Variants in LRRC9 observed in about 807,000 individuals in gnomAD.
The protein encoded by LRRC9 is leucine-rich repeat-containing protein 9.
LRRC9 carries 122 observed loss-of-function variants against 63.2 expected under a neutral mutation model. The observed-to-expected ratio is 1.93, with a 90% CI of 1.67 to 2.24. LRRC9 has a LOEUF of 2.24. Ranked by LOEUF, LRRC9 falls within the 30% of genes most tolerant of loss-of-function variation. The pLI, the probability that LRRC9 is intolerant of heterozygous loss-of-function variation, is 0.00. For missense variants in LRRC9, 1,071 were observed against 627.7 expected (o/e 1.71, Z -7.55); for synonymous variants, 366 against 213.1 (o/e 1.72, Z -6.25).
At chr14:60,054,886 C>T (rs745642298) in intron 30 of LRRC9, among the ~76,000 whole-genome samples, 68 of 152,102 alleles carry the variant, frequency 4.5e-4, no homozygotes, top group Non-Finnish European at 7.9e-4. Context: ...CTCAGCATCC[C>T]GAGTAGCTGG....
At chr14:60,062,771 G>T (rs745936875) in intron 31 of LRRC9, among the ~76,000 whole-genome samples, 1 of 152,066 alleles carries the variant, frequency 6.6e-6, no homozygotes. Flanking sequence ...CCATCTTCCT[G>T]GCATCCCTGC....
Position 60,001,954 on chromosome 14 carries a change from A to C in LRRC9, c.2530-12A>C. ...GTTTCCTTTTTTCACTGTATTTTTT[A>C]AATTTTATTAGTTATCTCTCTTACG... On this transcript the variant is annotated splice_polypyrimidine_tract_variant and intron_variant, in intron 19 of 31. Transcript: ENST00000445360. The C allele has an allele frequency of 1.6e-6, 1 of 635,210 alleles. No homozygotes were observed. The highest frequency in any genetic ancestry group is 2.8e-6 in the Non-Finnish European group (1 of 355,688). 39.3% of individuals were successfully genotyped at this position (635,210 alleles called of 1,614,324 possible). A position where few individuals can be genotyped will look rare whatever the true frequency, so the allele number is the denominator to read the frequency against.
In LRRC9 at chr14:59,966,480, A is replaced by G; in HGVS notation, c.1212-109A>G. 2.2e-6 allele frequency: 1 copy of G among 462,222 alleles called. No homozygotes were observed. 28.6% of individuals were successfully genotyped at this position (462,222 alleles called of 1,614,324 possible). A position where few individuals can be genotyped will look rare whatever the true frequency, so the allele number is the denominator to read the frequency against. ...ATATGATTACTGTATCTTTAGCAAA[A>G]GACACAAAATATGAGCTATAACTTT... On this transcript the variant is annotated intron_variant, in intron 10 of 31. Transcript: ENST00000445360. This position sits in a 1 kb window ranked among gnomAD's most constrained non-coding sequence, Gnocchi z 4.0.
At chr14:59,968,399 G>A (rs751841523) in intron 12 of LRRC9, among the ~76,000 whole-genome samples, 46 of 152,186 alleles carry the variant, frequency 3.0e-4, no homozygotes, top group Non-Finnish European at 5.9e-4. Flanking sequence ...CCACTGAATT[G>A]TATGCTGGAA....
exon 3 of LRRC9, chr14:59,928,379 C>T: frequency 2.9e-6 from 2 of 697,090 alleles, no homozygotes; most frequent in Non-Finnish European, 2.6e-6. Context: ...ATCATTATTT[C>T]CTAATTTAAC....
Position 59,932,949 on chromosome 14 carries a change from T to G in LRRC9, c.543+910T>G, listed in dbSNP as rs1162361221. ...ATTTCATATAATGGGGCCATAAGAC[T>G]ACCTAATCTAGCCACCCCACCACCC... On this transcript the variant is annotated intron_variant, in intron 6 of 31. Transcript: ENST00000445360. The surrounding 1 kb of genome is among the most constrained non-coding windows in gnomAD (Gnocchi z 4.7). Among the ~76,000 whole-genome samples the G allele has an allele frequency of 6.6e-6, 1 of 152,064 alleles. No homozygotes were observed. Among genetic ancestry groups the G allele is most frequent in the African/African-American group, 2.4e-5 (1 of 41,422 alleles).
At chr14:59,973,306 T>C (rs1441976858) in intron 12 of LRRC9, among the ~76,000 whole-genome samples, 1 of 152,030 alleles carries the variant, frequency 6.6e-6, no homozygotes, top group Non-Finnish European at 1.5e-5. Flanking sequence ...ATATTTGCCT[T>C]TCTTAACTGA....
intron 7 of LRRC9, among the ~76,000 whole-genome samples, chr14:59,940,856 G>A (rs940862112): frequency 6.6e-6 from 1 of 151,976 alleles, no homozygotes. Flanking sequence ...ATTATAATTA[G>A]TCTAATTTCT....
rs1893001758 is a variant in LRRC9 at position 60,042,118 on chromosome 14, C to T, written c.3990+10055C>T. 6.6e-6 allele frequency among the ~76,000 whole-genome samples: 1 copy of T among 152,194 alleles called. No homozygotes were observed. The highest frequency in any genetic ancestry group is 6.5e-5 in the Admixed American group (1 of 15,280). ...TTGATCCTTCCTCTGGAACCTTCGTCTCAGAGGGGCACCCAGCTGTATGAG... is the reference window on the plus strand; with the variant it reads ...TTGATCCTTCCTCTGGAACCTTCGTTTCAGAGGGGCACCCAGCTGTATGAG... On this transcript the variant is annotated intron_variant, in intron 29 of 31. Transcript: ENST00000445360. The surrounding 1 kb of genome is among the most constrained non-coding windows in gnomAD (Gnocchi z 4.2).
chr14:59,952,049 C>T (rs920892797), intron 8 of LRRC9, among the ~76,000 whole-genome samples: 36 of 152,048 alleles, frequency 2.4e-4, no homozygotes, highest in Non-Finnish European at 4.3e-4. Flanking sequence ...TTCCCGGCTG[C>T]TTTGTTTACC....
chr14:60,034,165 G>A (rs1441235327), intron 29 of LRRC9, among the ~76,000 whole-genome samples: 4 of 151,184 alleles, frequency 2.6e-5, no homozygotes, highest in East Asian at 3.9e-4. Flanking sequence ...CTACAGACGC[G>A]TGCCTCCATG....
intron 22 of LRRC9, 114 bp from the exon 23 acceptor site, chr14:60,007,978 C>A: frequency 1.7e-5 from 7 of 420,648 alleles, no homozygotes; most frequent in South Asian, 4.8e-5. Flanking sequence ...CTTAAAGGCA[C>A]TGAAATCCCA....
At chr14:59,994,805 G>C (rs1010260663) in intron 17 of LRRC9, among the ~76,000 whole-genome samples, 1 of 144,610 alleles carries the variant, frequency 6.9e-6, no homozygotes, top group African/African-American at 2.6e-5. Context: ...AGTGGGAATT[G>C]AACAATGAAA....
rs1890111137 is a variant in LRRC9 at position 59,936,051 on chromosome 14, A to T, written c.544-2339A>T. On this transcript the variant is annotated intron_variant, in intron 6 of 31. Transcript: ENST00000445360. The surrounding 1 kb of genome is among the most constrained non-coding windows in gnomAD (Gnocchi z 4.2). ...TCTGCCTCATACTAGAGGCAGCATA[A>T]TACGGTGGAACATGAAGTTTTGGTG... Among the ~76,000 whole-genome samples the T allele has an allele frequency of 6.6e-6, 1 of 152,174 alleles. No homozygotes were observed. The highest frequency in any genetic ancestry group is 1.5e-5 in the Non-Finnish European group (1 of 68,020).
chr14:60,019,965 T>C (rs1335709651), intron 26 of LRRC9, among the ~76,000 whole-genome samples: 1 of 151,810 alleles, frequency 6.6e-6, no homozygotes, highest in East Asian at 1.9e-4. Context: ...TTTTATTACC[T>C]CTATCGAAGT....
In LRRC9 at chr14:60,031,725, G is replaced by GA. The variant is rs1197159450; in HGVS notation, c.3922-263dup. ...GTCCTAGAATAAATCATAATTCTGAGAAAAAAATTTGATCTTTTCTTGCAA... is the reference window on the plus strand; with the variant it reads ...GTCCTAGAATAAATCATAATTCTGAGAAAAAAAATTTGATCTTTTCTTGCAA... On this transcript the variant is annotated intron_variant, in intron 28 of 31. Coordinates refer to ENST00000445360, the Ensembl canonical transcript of LRRC9. This position sits in a 1 kb window ranked among gnomAD's most constrained non-coding sequence, Gnocchi z 4.6. 6.6e-6 allele frequency among the ~76,000 whole-genome samples: 1 copy of GA among 151,946 alleles called. No homozygotes were observed. The highest frequency in any genetic ancestry group is 1.5e-5 in the Non-Finnish European group (1 of 67,892).
intron 31 of LRRC9, among the ~76,000 whole-genome samples, chr14:60,062,783 C>T (rs1894733744): frequency 6.6e-6 from 1 of 152,186 alleles, no homozygotes; most frequent in Non-Finnish European, 1.5e-5. Context: ...CATCCCTGCT[C>T]CTGCTCATCT....
chr14:59,969,185 G>T (rs1885199087), intron 12 of LRRC9: 1 of 151,970 alleles, frequency 6.6e-6, no homozygotes, highest in African/African-American at 2.4e-5. Flanking sequence ...TTTTACAATT[G>T]TCTGAAACAT....
chr14:60,044,519 A>AT (rs1335455381), intron 29 of LRRC9, among the ~76,000 whole-genome samples: 1 of 152,134 alleles, frequency 6.6e-6, no homozygotes, highest in Non-Finnish European at 1.5e-5. Context: ...GTTTCAATAA[A>AT]TTTTTTAATT....
Sources: gnomAD v4.1 joint callset for allele counts (sites outside exome capture counted in the v4.1 genomes callset) on GRCh38, gnomAD v4.1.1 for gene constraint, Gnocchi (gnomAD v3.1) non-coding constraint, MANE v1.5 for transcripts, NCBI Gene and HGNC (gene_info 2026-07-23, HGNC 2026-07-21) for gene names.